Variants in KIF6 observed in about 807,000 individuals in gnomAD.
KIF6 encodes the protein kinesin-like protein KIF6.
A neutral mutation model predicts 112.7 loss-of-function variants in KIF6; 106 were observed. That is an observed-to-expected ratio of 0.94 (90% CI 0.80 to 1.11). The LOEUF (loss-of-function observed/expected upper bound fraction) is 1.11, where lower values mean the gene tolerates loss of function less well. Ranked by LOEUF, KIF6 falls within the 50% of genes least tolerant of loss-of-function variation. The probability of loss-of-function intolerance (pLI) is 0.00; values close to 1 mark genes in which losing one functional copy is unlikely to be tolerated. For missense variants in KIF6, 929 were observed against 964.0 expected, an observed-to-expected ratio of 0.96 and a Z score of 0.48; for synonymous variants, 339 against 339.9, an observed-to-expected ratio of 1.00 and a Z score of 0.03.
At chr6:39,722,545 C>T (rs1486478759) in intron 1 of KIF6, among the ~76,000 whole-genome samples, 1 of 151,968 alleles carries the variant, frequency 6.6e-6, no homozygotes, top group Non-Finnish European at 1.5e-5. Flanking sequence ...TTTTATATAT[C>T]CTTTTTATTA....
intron 3 of KIF6, 71 bp downstream of exon 3, chr6:39,714,621 C>CA: frequency 9.9e-7 from 1 of 1,008,646 alleles, no homozygotes; most frequent in Non-Finnish European, 1.6e-6. Context: ...AGCACACTAC[C>CA]ACAGTTATCT....
chr6:39,404,768 C>T (rs1218518814), intron 15 of KIF6, among the ~76,000 whole-genome samples: 1 of 152,080 alleles, frequency 6.6e-6, no homozygotes, highest in Non-Finnish European at 1.5e-5. Context: ...GGAGAATTGA[C>T]ATCGTTCCTA....
chr6:39,544,914 A>G (rs1161143827), intron 11 of KIF6, among the ~76,000 whole-genome samples: 1 of 151,468 alleles, frequency 6.6e-6, no homozygotes, highest in East Asian at 1.9e-4. Flanking sequence ...CTCTCTCCCC[A>G]TCTTATCTCT....
chr6:39,448,899 C>T (rs545092166), intron 13 of KIF6, among the ~76,000 whole-genome samples: 63 of 152,314 alleles, frequency 4.1e-4, no homozygotes, highest in Non-Finnish European at 8.2e-4. Flanking sequence ...ATGCTCCATT[C>T]TAAGCTCTAT....
intron 13 of KIF6, among the ~76,000 whole-genome samples, chr6:39,529,220 G>A (rs934757927): frequency 2.0e-5 from 3 of 152,038 alleles, no homozygotes; most frequent in African/African-American, 7.2e-5. Context: ...AAAAGATGGG[G>A]GAAAAAACTA....
At chr6:39,542,840 C>T (rs1455003594) in intron 12 of KIF6, among the ~76,000 whole-genome samples, 4 of 152,140 alleles carry the variant, frequency 2.6e-5, no homozygotes, top group African/African-American at 9.7e-5. Context: ...AGGTACAGAG[C>T]TAATAAATGA....
chr6:39,718,223 C>A (rs1789977584), intron 2 of KIF6, among the ~76,000 whole-genome samples: 1 of 106,410 alleles, frequency 9.4e-6, no homozygotes, highest in South Asian at 3.8e-4. Flanking sequence ...GAGTGAGACT[C>A]CATCTCAAAA....
At chr6:39,674,399 G>T (rs766484422) in intron 3 of KIF6, among the ~76,000 whole-genome samples, 1 of 152,046 alleles carries the variant, frequency 6.6e-6, no homozygotes, top group East Asian at 1.9e-4. Context: ...TGGCTTTTTT[G>T]CTTACCTGAA....
Position 39,724,906 on chromosome 6 carries a change from G to A in KIF6, c.66+339C>T, listed in dbSNP as rs1459720585. ...TGAGTTTCCCAGAAAGGTGCAATAA[G>A]TGCTTATGTGTAGTTGAAGCGCACA... On this transcript the variant is annotated intron_variant, in intron 1 of 22. Coordinates refer to ENST00000287152, the MANE Select transcript of KIF6 (RefSeq NM_145027.6). 3.3e-5 allele frequency among the ~76,000 whole-genome samples: 5 copies of A among 152,190 alleles called. No individual in the cohort carries two copies. In the East Asian group the frequency reaches 9.6e-4, roughly 29 times the overall value.
At chr6:39,686,573 A>C (rs749392372) in intron 3 of KIF6, among the ~76,000 whole-genome samples, 6 of 152,186 alleles carry the variant, frequency 3.9e-5, no homozygotes, top group Non-Finnish European at 5.9e-5. Context: ...CTAGTTTGGC[A>C]GTTTTAGCCC....
At chr6:39,474,473 C>T (rs17456754) in intron 13 of KIF6, among the ~76,000 whole-genome samples, 3,389 of 152,370 alleles carry the variant, frequency 0.022, 68 homozygotes, top group Non-Finnish European at 0.029. Context: ...ACTAAGGTAA[C>T]TGGCACATAG....
chr6:39,572,554 A>G (rs770281200), intron 10 of KIF6, among the ~76,000 whole-genome samples: 62 of 151,968 alleles, frequency 4.1e-4, no homozygotes, highest in Non-Finnish European at 7.6e-4. Flanking sequence ...ATGAGGTCCA[A>G]TTCAATTTCA....
At position 39,605,608 on chromosome 6, in the gene KIF6, T is replaced by C. The variant is rs558703306; in HGVS notation, c.639+7581A>G. On this transcript the variant is annotated intron_variant, in intron 6 of 22. Transcript: ENST00000287152. Reference sequence around the variant, plus strand: ...TTTTGTTCTAATGAAAAAAAATATATACTGTGAAACTTTATTGGGATAGCA... The same window carrying C: ...TTTTGTTCTAATGAAAAAAAATATACACTGTGAAACTTTATTGGGATAGCA... Among the ~76,000 whole-genome samples, 9 of 152,196 alleles carry C rather than the reference T, an allele frequency of 5.9e-5. No individual in the cohort carries two copies. In the South Asian group the frequency reaches 6.2e-4, roughly 11 times the overall value.
At chr6:39,590,451 A>ATATATATTTTT (rs1338373703) in intron 7 of KIF6, among the ~76,000 whole-genome samples, 1 of 84,778 alleles carries the variant, frequency 1.2e-5, no homozygotes, top group African/African-American at 5.1e-5. Flanking sequence ...ATATATATAT[A>ATATATATTTTT]TTTTTTTTTT....
At position 39,443,279 on chromosome 6, in the gene KIF6, C is replaced by T. The variant is rs112653281; in HGVS notation, c.1646-12118G>A. On this transcript the variant is annotated intron_variant, in intron 13 of 22. Coordinates refer to ENST00000287152, the MANE Select transcript of KIF6 (RefSeq NM_145027.6). ...TTCACAGGGTCCTGTTGAGTGGCTT[C>T]CACCCTAATGAGATTAGCTCTTGTG... Among the ~76,000 whole-genome samples, 1,039 of 151,816 alleles carry T rather than the reference C, an allele frequency of 6.8e-3. 3 individuals are homozygous for T. The highest frequency in any genetic ancestry group is 9.7e-3 in the Non-Finnish European group (657 of 67,856).
At chr6:39,678,569 G>A (rs559435059) in intron 3 of KIF6, among the ~76,000 whole-genome samples, 1 of 152,296 alleles carries the variant, frequency 6.6e-6, no homozygotes, top group East Asian at 1.9e-4. Context: ...TTGGTGTGGG[G>A]TGGGGATCAC....
rs535639711 is a variant in KIF6, at chr6:39,518,912, G to A, written c.1645+21091C>T. On this transcript the variant is annotated intron_variant, in intron 13 of 22. Transcript: ENST00000287152. ...ACTGGAGAAGAAAACCCCATCATCC[G>A]AAAACTCAGAGTAGCCTTGAGTTGA... Among the ~76,000 whole-genome samples the A allele has an allele frequency of 3.9e-5, 6 of 152,276 alleles. No homozygotes were observed. The South Asian group carries it at 8.3e-4, about 21-fold the overall frequency.
chr6:39,498,336 A>G (rs1436465708), intron 13 of KIF6, among the ~76,000 whole-genome samples: 1 of 152,236 alleles, frequency 6.6e-6, no homozygotes, highest in Admixed American at 6.5e-5. Flanking sequence ...AAAGAAACAG[A>G]AATCCTTCTC....
At chr6:39,430,948 G>A (rs560438526) in intron 14 of KIF6, 105 bp downstream of exon 14, 1 of 611,058 alleles carries the variant, frequency 1.6e-6, no homozygotes, top group East Asian at 2.8e-5. Flanking sequence ...TGCTTTTCTT[G>A]TAATAGTTAT....
Sources: allele counts gnomAD v4.1 joint callset (sites outside exome capture counted in the v4.1 genomes callset), GRCh38; gene constraint gnomAD v4.1.1; transcripts MANE v1.5; gene names NCBI Gene and HGNC (gene_info 2026-07-23, HGNC 2026-07-21).